DRD3: variants seen among roughly 807,000 people sequenced by gnomAD.
DRD3 encodes the protein D(3) dopamine receptor.
Under a neutral mutation model 36.3 loss-of-function variants are expected in DRD3, and 19 were observed. That is an observed-to-expected ratio of 0.52 (90% CI 0.36 to 0.77). The LOEUF (loss-of-function observed/expected upper bound fraction) is 0.77, where lower values mean the gene tolerates loss of function less well. Among genes scored for constraint, DRD3 ranks in the 30% least tolerant of loss-of-function variants. The pLI is 0.00. For synonymous variants in DRD3, 195 were observed against 203.7 expected (o/e 0.96, Z 0.36); for missense variants, 465 against 505.3 (o/e 0.92, Z 0.77).
chr3:114,175,453 T>C (rs7638876), intron 1 of DRD3, among the ~76,000 whole-genome samples: 73,663 of 151,942 alleles, frequency 0.48, 21,288 homozygotes, highest in African/African-American at 0.81. Flanking sequence ...TTCAGGACGA[T>C]ATTCATGATG....
chr3:114,164,578 C>T (rs762105303), intron 2 of DRD3, among the ~76,000 whole-genome samples: 6 of 152,106 alleles, frequency 3.9e-5, no homozygotes, highest in Admixed American at 1.3e-4. Flanking sequence ...TAATAAGTCC[C>T]TCAAGTGATT....
chr3:114,128,629 G>T lies in DRD3; in HGVS notation c.*87C>A. The stretch of plus-strand genomic sequence containing the variant: ...TCCAGGAATCTTCTTCCTACTGCAT[G>T]CCGGAGGACACTGCACAGTCTTTCT... On this transcript the variant is annotated 3_prime_UTR_variant, in exon 7 of 7. Coordinates refer to ENST00000383673, the MANE Select transcript of DRD3 (RefSeq NM_000796.6). 1 of 1,318,682 alleles carries T rather than the reference G, an allele frequency of 7.6e-7. No homozygotes were observed. 81.7% of individuals were successfully genotyped at this position (1,318,682 alleles called of 1,614,324 possible). A position where few individuals can be genotyped will look rare whatever the true frequency, so the allele number is the denominator to read the frequency against.
upstream of DRD3, among the ~76,000 whole-genome samples, chr3:114,182,309 A>G (rs929219049): frequency 6.6e-6 from 1 of 151,432 alleles, no homozygotes; most frequent in African/African-American, 2.5e-5. Flanking sequence ...TCTTGAAAGA[A>G]AAATAGTTCA....
At chr3:114,163,869 G>A (rs1310005766) in intron 2 of DRD3, among the ~76,000 whole-genome samples, 5 of 152,154 alleles carry the variant, frequency 3.3e-5, no homozygotes, top group African/African-American at 1.2e-4. Context: ...CACCAAAGGT[G>A]AGATAGGTAC....
intron 2 of DRD3, among the ~76,000 whole-genome samples, chr3:114,170,206 A>G (rs2077826093): frequency 6.6e-6 from 1 of 152,062 alleles, no homozygotes; most frequent in Admixed American, 6.6e-5. Context: ...CTCGTCCCCA[A>G]AAGTCCTCTC....
chr3:114,144,101 C>T (rs1034198138), intron 4 of DRD3, among the ~76,000 whole-genome samples: 1 of 152,216 alleles, frequency 6.6e-6, no homozygotes, highest in African/African-American at 2.4e-5. Flanking sequence ...TAAGGCAACC[C>T]TGGCCAGCCA....
chr3:114,180,941 A>C (rs781685516), upstream of DRD3, among the ~76,000 whole-genome samples: 8 of 152,166 alleles, frequency 5.3e-5, no homozygotes, highest in Non-Finnish European at 1.2e-4. Context: ...TAAGAACCTC[A>C]TATCACTCAT....
At chr3:114,192,112 T>A (rs2078013608) in intron 1 of DRD3, among the ~76,000 whole-genome samples, 2 of 152,176 alleles carry the variant, frequency 1.3e-5, no homozygotes, top group Admixed American at 6.5e-5. Flanking sequence ...GGTTAACTAT[T>A]ATAGAAGCAG....
chr3:114,191,977 A>G (rs530134689), intron 1 of DRD3, among the ~76,000 whole-genome samples: 93 of 152,360 alleles, frequency 6.1e-4, no homozygotes, highest in African/African-American at 2.1e-3. Context: ...AGGGAGTCAG[A>G]TATCATCACT....
chr3:114,172,890 CA>C (rs2077860612), intron 1 of DRD3, among the ~76,000 whole-genome samples: 1 of 151,694 alleles, frequency 6.6e-6, no homozygotes, highest in African/African-American at 2.4e-5. Context: ...CCCTGAAACC[CA>C]AGCAAAAGTG....
chr3:114,133,257 G>A (rs2077446672), intron 5 of DRD3, among the ~76,000 whole-genome samples: 1 of 152,178 alleles, frequency 6.6e-6, no homozygotes, highest in Non-Finnish European at 1.5e-5. Flanking sequence ...CCAAAGTGCT[G>A]GGATTACAGG....
At chr3:114,162,563 C>T (rs2077744052) in intron 2 of DRD3, among the ~76,000 whole-genome samples, 1 of 152,214 alleles carries the variant, frequency 6.6e-6, no homozygotes, top group South Asian at 2.1e-4. Flanking sequence ...TTACTAAGTG[C>T]CTGGTGTTCT....
intron 3 of DRD3, among the ~76,000 whole-genome samples, chr3:114,150,770 G>C (rs2077609875): frequency 6.6e-6 from 1 of 152,196 alleles, no homozygotes; most frequent in African/African-American, 2.4e-5. Flanking sequence ...TGCTGGGCTC[G>C]AAGGGATCGG....
chr3:114,187,783 C>G (rs1425934554), intron 1 of DRD3, among the ~76,000 whole-genome samples: 1 of 152,160 alleles, frequency 6.6e-6, no homozygotes, highest in Non-Finnish European at 1.5e-5. Context: ...CTATGTCTCT[C>G]TCAAATTGGC....
At chr3:114,168,220 A>T (rs1433459724) in intron 2 of DRD3, among the ~76,000 whole-genome samples, 1 of 152,220 alleles carries the variant, frequency 6.6e-6, no homozygotes, top group Non-Finnish European at 1.5e-5. Context: ...TGAGTCTAAC[A>T]TCAGCTCAGG....
chr3:114,188,127 A>G (rs58192132), intron 1 of DRD3, among the ~76,000 whole-genome samples: 5,475 of 152,198 alleles, frequency 0.036, 127 homozygotes, highest in Admixed American at 0.066. Flanking sequence ...ATGAAATGAT[A>G]AAGAGTTTAT....
At chr3:114,142,691 C>T (rs888491725) in intron 4 of DRD3, among the ~76,000 whole-genome samples, 8 of 151,916 alleles carry the variant, frequency 5.3e-5, no homozygotes, top group Non-Finnish European at 1.0e-4. Context: ...CTCATGGGCA[C>T]CTTATGAATG....
At chr3:114,181,711 A>G (rs1002544631), upstream of DRD3, among the ~76,000 whole-genome samples, 4 of 152,212 alleles carry the variant, frequency 2.6e-5, no homozygotes, top group Admixed American at 2.6e-4. Flanking sequence ...GCAAGTCTAG[A>G]GCAAGAGAAG....
chr3:114,164,941 G>C lies in DRD3; in HGVS notation c.271-5074C>G, dbSNP rs181448371. ...AATTTTTGTATTTTTAGTAGAGACGGGGTTTCACCACATTGGCCAGGCTGG... is the reference window on the plus strand; with the variant it reads ...AATTTTTGTATTTTTAGTAGAGACGCGGTTTCACCACATTGGCCAGGCTGG... On this transcript the variant is annotated intron_variant, in intron 2 of 6. Coordinates refer to ENST00000383673, the MANE Select transcript of DRD3 (RefSeq NM_000796.6). 4.9e-3 allele frequency among the ~76,000 whole-genome samples: 739 copies of C among 152,220 alleles called. 6 individuals are homozygous for C. The highest frequency in any genetic ancestry group is 0.024 in the Middle Eastern group (7 of 294).
Sources: allele counts gnomAD v4.1 joint callset (sites outside exome capture counted in the v4.1 genomes callset), GRCh38; gene constraint gnomAD v4.1.1; transcripts MANE v1.5; gene names NCBI Gene and HGNC (gene_info 2026-07-23, HGNC 2026-07-21).